The following PCDH15 variants were observed in gnomAD, a reference collection of about 807,000 sequenced individuals.
PCDH15 encodes protocadherin related 15, also known as protocadherin-15.
PCDH15 carries 129 observed loss-of-function variants against 178.5 expected under a neutral mutation model. The ratio of observed to expected loss-of-function variants is 0.72; its 90% CI spans 0.63 to 0.84. The LOEUF is 0.84. PCDH15 is among the 40% of genes least tolerant of loss of function. The probability of loss-of-function intolerance (pLI) is 0.00; values close to 1 mark genes in which losing one functional copy is unlikely to be tolerated. For missense variants in PCDH15, 2,230 were observed against 2,099.9 expected (o/e 1.06, Z -1.21); for synonymous variants, 800 against 732.0 (o/e 1.09, Z -1.50).
chr10:54,125,221 ATT>A (rs2132939375), intron 15 of PCDH15, among the ~76,000 whole-genome samples: 1 of 151,382 alleles, frequency 6.6e-6, no homozygotes, highest in Admixed American at 6.6e-5. Context: ...GTCATTTTCT[ATT>A]TTCTCCTGCT....
chr10:55,387,150 C>T (rs1052188877), intron 2 of PCDH15, among the ~76,000 whole-genome samples: 4 of 151,934 alleles, frequency 2.6e-5, no homozygotes, highest in African/African-American at 9.7e-5. Context: ...CAAATGGCTT[C>T]CAAATGACTT....
chr10:55,179,801 C>T (rs189508858), intron 1 of PCDH15, among the ~76,000 whole-genome samples: 12 of 151,968 alleles, frequency 7.9e-5, no homozygotes, highest in Non-Finnish European at 1.2e-4. Context: ...AGTAAAAGAG[C>T]TGTAACACTC....
intron 18 of PCDH15, among the ~76,000 whole-genome samples, chr10:54,023,587 CTG>C (rs1178639623): frequency 6.7e-6 from 1 of 148,292 alleles, no homozygotes; most frequent in Non-Finnish European, 1.5e-5. Flanking sequence ...TTTTTGCTCA[CTG>C]TATATATTCA....
At chr10:54,320,727 C>T (rs979937423) in intron 7 of PCDH15, among the ~76,000 whole-genome samples, 1 of 151,718 alleles carries the variant, frequency 6.6e-6, no homozygotes, top group African/African-American at 2.4e-5. Flanking sequence ...TGAGTAGCTT[C>T]CAAGGGGCAG....
intron 1 of PCDH15, among the ~76,000 whole-genome samples, chr10:55,170,501 C>G (rs563400756): frequency 4.6e-5 from 7 of 151,944 alleles, no homozygotes; most frequent in African/African-American, 1.7e-4. Flanking sequence ...CCCCCTTTTC[C>G]GAATGAAGGA....
At chr10:55,500,482 G>A (rs1299325093) in intron 2 of PCDH15, among the ~76,000 whole-genome samples, 1 of 151,664 alleles carries the variant, frequency 6.6e-6, no homozygotes, top group Non-Finnish European at 1.5e-5. Flanking sequence ...AAATTCTCTG[G>A]AGCAACATTT....
At chr10:55,499,669 G>T (rs1365056854) in intron 2 of PCDH15, among the ~76,000 whole-genome samples, 3 of 151,502 alleles carry the variant, frequency 2.0e-5, no homozygotes, top group Non-Finnish European at 3.0e-5. Context: ...TAGGAAAGTA[G>T]CCTAAAAAAA....
At chr10:54,363,864 T>C (rs1946415684) in intron 5 of PCDH15, among the ~76,000 whole-genome samples, 1 of 151,900 alleles carries the variant, frequency 6.6e-6, no homozygotes, top group African/African-American at 2.4e-5. Context: ...CATGGATGGA[T>C]TACTTTTAAA....
intron 9 of PCDH15, among the ~76,000 whole-genome samples, chr10:54,222,331 G>T (rs567995924): frequency 6.6e-6 from 1 of 152,248 alleles, no homozygotes; most frequent in South Asian, 2.1e-4. Context: ...TAACTACTTT[G>T]TGTTTTCCTT....
intron 3 of PCDH15, among the ~76,000 whole-genome samples, chr10:54,396,099 T>C (rs1206584756): frequency 2.0e-5 from 3 of 152,046 alleles, no homozygotes; most frequent in African/African-American, 7.2e-5. Flanking sequence ...ATATCCCCCT[T>C]CCCCTCTAAA....
chr10:55,083,980 T>C (rs1232473501), intron 2 of PCDH15, among the ~76,000 whole-genome samples: 1 of 151,912 alleles, frequency 6.6e-6, no homozygotes, highest in African/African-American at 2.4e-5. Context: ...AGAATCAGTA[T>C]TGTTAAAATG....
chr10:55,391,497 G>T (rs1360881942), intron 2 of PCDH15, among the ~76,000 whole-genome samples: 1 of 151,566 alleles, frequency 6.6e-6, no homozygotes, highest in Non-Finnish European at 1.5e-5. Context: ...TCTTTTTTGG[G>T]GGGTGGGGGG....
At chr10:54,761,683 A>AAAAACAAAACAAAACAAAAC (rs71014416) in intron 1 of PCDH15, among the ~76,000 whole-genome samples, 1 of 149,942 alleles carries the variant, frequency 6.7e-6, no homozygotes, top group Non-Finnish European at 1.5e-5. Flanking sequence ...ACTCTGTCTC[A>AAAAACAAAACAAAACAAAAC]AAAACAAAAC....
intron 2 of PCDH15, among the ~76,000 whole-genome samples, chr10:54,977,270 A>G (rs577743819): frequency 3.0e-4 from 45 of 152,166 alleles, no homozygotes; most frequent in Non-Finnish European, 5.7e-4. Context: ...AAAGAAGGTC[A>G]GTAGGACTGG....
chr10:54,724,892 T>C (rs974021204), intron 1 of PCDH15, among the ~76,000 whole-genome samples: 2 of 112,028 alleles, frequency 1.8e-5, no homozygotes, highest in African/African-American at 7.1e-5. Flanking sequence ...ATTAGCCAAA[T>C]AGTACATATA....
intron 8 of PCDH15, among the ~76,000 whole-genome samples, chr10:54,273,134 T>G (rs772790677): frequency 1.3e-5 from 2 of 152,136 alleles, no homozygotes; most frequent in Non-Finnish European, 2.9e-5. Flanking sequence ...GGCAGCCAGA[T>G]AATGCTGTTG....
chr10:55,541,092 T>C (rs1841749791), intron 2 of PCDH15, among the ~76,000 whole-genome samples: 1 of 152,030 alleles, frequency 6.6e-6, no homozygotes, highest in East Asian at 1.9e-4. Context: ...TTGCACAGTG[T>C]AACGTTTAGA....
At chr10:53,928,363 TA>T (rs2084755546) in intron 25 of PCDH15, among the ~76,000 whole-genome samples, 1 of 152,088 alleles carries the variant, frequency 6.6e-6, no homozygotes, top group East Asian at 1.9e-4. Flanking sequence ...CCATAAGTGA[TA>T]AAAATAAATA....
intron 2 of PCDH15, among the ~76,000 whole-genome samples, chr10:55,091,396 T>C (rs974162734): frequency 2.0e-5 from 3 of 151,956 alleles, no homozygotes; most frequent in Non-Finnish European, 2.9e-5. Flanking sequence ...CCAGTTTCTA[T>C]AGTTTTCCCA....
Sources: gnomAD v4.1 joint callset for allele counts (sites outside exome capture counted in the v4.1 genomes callset) on GRCh38, gnomAD v4.1.1 for gene constraint, MANE v1.5 for transcripts, NCBI Gene and HGNC (gene_info 2026-07-23, HGNC 2026-07-21) for gene names.